LPXN: variants seen among roughly 807,000 people sequenced by gnomAD.
The protein encoded by LPXN is leupaxin.
LPXN carries 28 observed loss-of-function variants against 45.6 expected under a neutral mutation model. The observed-to-expected ratio is 0.61, with a 90% CI of 0.45 to 0.84. LPXN has a LOEUF of 0.84. Ranked by LOEUF, LPXN falls within the 40% of genes least tolerant of loss-of-function variation. The pLI is 0.00. For missense variants in LPXN, 459 were observed against 475.0 expected, an observed-to-expected ratio of 0.97 and a Z score of 0.31; for synonymous variants, 166 against 169.9, an observed-to-expected ratio of 0.98 and a Z score of 0.18.
At chr11:58,556,917 A>C (rs138155343) in intron 3 of LPXN, among the ~76,000 whole-genome samples, 48 of 152,314 alleles carry the variant, frequency 3.2e-4, no homozygotes, top group Admixed American at 7.8e-4. Context: ...TCCAAAGAAG[A>C]AATAAAAATG....
At chr11:58,578,120 A>G (rs1233547604), upstream of LPXN, 2 of 1,517,938 alleles carry the variant, frequency 1.3e-6, no homozygotes, top group Non-Finnish European at 1.8e-6. Context: ...TTACGCAGAC[A>G]CCCCGAGAAA....
At chr11:58,578,688 G>A (rs749140907), upstream of LPXN, among the ~76,000 whole-genome samples, 5 of 152,146 alleles carry the variant, frequency 3.3e-5, no homozygotes, top group Middle Eastern at 3.2e-3. Context: ...AATAGAAAGA[G>A]CCCTTGTGGT....
chr11:58,567,194 G>A (rs535381487), intron 2 of LPXN, among the ~76,000 whole-genome samples: 44 of 152,234 alleles, frequency 2.9e-4, no homozygotes, highest in African/African-American at 9.9e-4. Flanking sequence ...TTAACACAAT[G>A]CTGTGCTCTA....
At chr11:58,578,714 G>A (rs907145645), upstream of LPXN, among the ~76,000 whole-genome samples, 1 of 152,088 alleles carries the variant, frequency 6.6e-6, no homozygotes, top group Non-Finnish European at 1.5e-5. Flanking sequence ...TGGCTCCTCA[G>A]GGAGGCAGGT....
At chr11:58,547,076 T>C (rs1230433505) in intron 7 of LPXN, among the ~76,000 whole-genome samples, 1 of 152,136 alleles carries the variant, frequency 6.6e-6, no homozygotes, top group East Asian at 1.9e-4. Flanking sequence ...TGAGATGCAG[T>C]TAGTGGTATC....
At chr11:58,559,766 C>T (rs1217047020) in intron 3 of LPXN, among the ~76,000 whole-genome samples, 1 of 152,028 alleles carries the variant, frequency 6.6e-6, no homozygotes, top group Non-Finnish European at 1.5e-5. Context: ...GTCCCAGCTA[C>T]TTGGGAGGCT....
At chr11:58,572,521 A>C (rs768310584) in intron 1 of LPXN, among the ~76,000 whole-genome samples, 5 of 152,182 alleles carry the variant, frequency 3.3e-5, no homozygotes, top group Non-Finnish European at 7.4e-5. Flanking sequence ...CTACTGTAAA[A>C]ATGAAACAAT....
At chr11:58,564,019 A>G (rs763601866) in intron 3 of LPXN, 136 bp downstream of exon 3, 15 of 610,190 alleles carry the variant, frequency 2.5e-5, no homozygotes, top group Non-Finnish European at 4.0e-5. Flanking sequence ...CTATGCTCAA[A>G]GACTATGGAA....
intron 4 of LPXN, 173 bp downstream of exon 4, chr11:58,554,668 G>C (rs1379151905): frequency 3.8e-6 from 2 of 524,178 alleles, no homozygotes; most frequent in African/African-American, 3.9e-5. Context: ...ACAAAGATGG[G>C]TTAATTCATG....
chr11:58,547,170 A>G (rs1221890690), intron 7 of LPXN, among the ~76,000 whole-genome samples: 2 of 152,212 alleles, frequency 1.3e-5, no homozygotes, highest in Non-Finnish European at 2.9e-5. Context: ...GCTAAAAATT[A>G]TAACTCCACT....
chr11:58,544,922 A>G (rs1853833772), intron 7 of LPXN, among the ~76,000 whole-genome samples: 1 of 152,136 alleles, frequency 6.6e-6, no homozygotes, highest in Admixed American at 6.6e-5. Context: ...AATTCTTTGG[A>G]CTGATGAAAA....
intron 7 of LPXN, among the ~76,000 whole-genome samples, chr11:58,538,957 A>G (rs1018129758): frequency 1.3e-5 from 2 of 151,492 alleles, no homozygotes; most frequent in Non-Finnish European, 2.9e-5. Context: ...ATTATACTAT[A>G]TCAGATATAT....
chr11:58,533,978 C>G (rs1397122940), intron 7 of LPXN, among the ~76,000 whole-genome samples: 3 of 152,132 alleles, frequency 2.0e-5, no homozygotes, highest in Non-Finnish European at 4.4e-5. Flanking sequence ...AACTAACTAT[C>G]CTAATTATAT....
chr11:58,541,696 A>G (rs201419031), intron 7 of LPXN, among the ~76,000 whole-genome samples: 1 of 150,432 alleles, frequency 6.6e-6, no homozygotes, highest in South Asian at 2.1e-4. Flanking sequence ...CTAGGTATAT[A>G]CCCAAAGGAC....
rs766063416 is a variant in LPXN, at chr11:58,551,229, C to T, written c.322G>A (p.Ala108Thr). ...AHLTEMQAKV[A>T]VRADAGKKHL... ...TTCTTGCCAGCATCTGCTCTCACTGCAACCTGGCCCAAGGGAAGAACCAAG... is the reference window on the plus strand; with the variant it reads ...TTCTTGCCAGCATCTGCTCTCACTGTAACCTGGCCCAAGGGAAGAACCAAG... The change falls in exon 5 of 9, where the codon GCA (alanine) becomes ACA (threonine). Residue 108 changes from alanine to threonine, a missense_variant. Transcript: ENST00000395074. 1 of 1,601,674 alleles carries T rather than the reference C, an allele frequency of 6.2e-7. No homozygotes were observed. The highest frequency in any genetic ancestry group is 8.5e-7 in the Non-Finnish European group (1 of 1,174,954).
upstream of LPXN, among the ~76,000 whole-genome samples, chr11:58,578,797 C>A (rs1411754003): frequency 6.6e-6 from 1 of 151,914 alleles, no homozygotes; most frequent in African/African-American, 2.4e-5. Flanking sequence ...GCCTCCCTCG[C>A]GAGACCTGCC....
At chr11:58,537,842 T>C (rs1258754574) in intron 7 of LPXN, among the ~76,000 whole-genome samples, 2 of 151,370 alleles carry the variant, frequency 1.3e-5, no homozygotes, top group African/African-American at 4.8e-5. Flanking sequence ...TACATATGTA[T>C]ACATGTGCCA....
At chr11:58,534,382 GCACAACTA>G (rs1565184965) in intron 7 of LPXN, among the ~76,000 whole-genome samples, 1 of 151,946 alleles carries the variant, frequency 6.6e-6, no homozygotes, top group East Asian at 1.9e-4. Flanking sequence ...TCTCAAAACC[GCACAACTA>G]CATGGAAACT....
At chr11:58,558,240 T>C (rs892114559) in intron 3 of LPXN, among the ~76,000 whole-genome samples, 1 of 151,146 alleles carries the variant, frequency 6.6e-6, no homozygotes, top group African/African-American at 2.4e-5. Flanking sequence ...TAAATTTGTA[T>C]GATGTTGGTA....
Sources: allele counts gnomAD v4.1 joint callset (sites outside exome capture counted in the v4.1 genomes callset), GRCh38; gene constraint gnomAD v4.1.1; transcripts MANE v1.5; gene names NCBI Gene and HGNC (gene_info 2026-07-23, HGNC 2026-07-21).